The following CLYBL variants were observed in gnomAD, a reference collection of about 807,000 sequenced individuals.
CLYBL encodes the protein citramalyl-CoA lyase, mitochondrial.
In CLYBL, 31 loss-of-function variants were observed where a neutral mutation model predicts 38.9. The observed-to-expected ratio is 0.80, with a 90% CI of 0.60 to 1.08. The LOEUF is 1.08. Among genes scored for constraint, CLYBL ranks in the 50% least tolerant of loss-of-function variants. The pLI is 0.00. For synonymous variants in CLYBL, 171 were observed against 158.6 expected, an observed-to-expected ratio of 1.08 and a Z score of -0.59; for missense variants, 434 against 411.6, an observed-to-expected ratio of 1.05 and a Z score of -0.47.
chr13:99,687,070 C>T (rs1368361388), intron 1 of CLYBL, among the ~76,000 whole-genome samples: 2 of 152,172 alleles, frequency 1.3e-5, no homozygotes, highest in Non-Finnish European at 2.9e-5. Flanking sequence ...GATTAGGGCC[C>T]GCTGCAGCTG....
chr13:99,764,900 G>A (rs1171168005), intron 1 of CLYBL, among the ~76,000 whole-genome samples: 1 of 151,208 alleles, frequency 6.6e-6, no homozygotes, highest in East Asian at 1.9e-4. Context: ...ATGTTGTCCA[G>A]GCTTGCCATG....
chr13:99,726,112 A>G (rs2048468432), intron 1 of CLYBL: 1 of 152,200 alleles, frequency 6.6e-6, no homozygotes, highest in Admixed American at 6.5e-5. Context: ...AATTACTGCT[A>G]TTCTGCCAAA....
chr13:99,667,985 C>T (rs1344409785), intron 1 of CLYBL, among the ~76,000 whole-genome samples: 2 of 152,132 alleles, frequency 1.3e-5, no homozygotes, highest in Non-Finnish European at 2.9e-5. Context: ...TTCAATAGAA[C>T]ATTAGAGGCT....
intron 1 of CLYBL, among the ~76,000 whole-genome samples, chr13:99,717,453 A>G (rs1260620450): frequency 1.3e-5 from 2 of 149,978 alleles, no homozygotes; most frequent in East Asian, 1.9e-4. Context: ...AAAAAAAAAA[A>G]AAAAGAATTA....
chr13:99,729,942 G>A (rs376082984), intron 1 of CLYBL, among the ~76,000 whole-genome samples: 2 of 151,988 alleles, frequency 1.3e-5, no homozygotes, highest in South Asian at 2.1e-4. Flanking sequence ...ACCTGCCACC[G>A]TCGGTCCCTC....
chr13:99,725,398 A>G lies in CLYBL; in HGVS notation c.63-47426A>G, dbSNP rs150952806. 1.7e-4 allele frequency among the ~76,000 whole-genome samples: 26 copies of G among 152,310 alleles called. No homozygotes were observed. The East Asian group carries it at 5.0e-3, about 29-fold the overall frequency. ...AAAAGAAAAGGAAAAGTGAGGGCTA[A>G]CAATGTGAGCTTTCACTGGGGCTGT... On this transcript the variant is annotated intron_variant, in intron 1 of 8. Coordinates refer to ENST00000339105, the MANE Select transcript of CLYBL (RefSeq NM_206808.5).
At chr13:99,807,656 C>CG (rs374243502) in intron 2 of CLYBL, among the ~76,000 whole-genome samples, 25 of 147,916 alleles carry the variant, frequency 1.7e-4, no homozygotes, top group South Asian at 4.4e-4. Flanking sequence ...TTCCAGGGGC[C>CG]GGGGGGGAAG....
chr13:99,757,661 G>A (rs1301813057), intron 1 of CLYBL, among the ~76,000 whole-genome samples: 1 of 152,144 alleles, frequency 6.6e-6, no homozygotes, highest in Non-Finnish European at 1.5e-5. Context: ...GTTTCACCAT[G>A]TTGGCCAGGC....
intron 7 of CLYBL, among the ~76,000 whole-genome samples, chr13:99,871,754 C>G (rs1399200629): frequency 6.6e-6 from 1 of 152,102 alleles, no homozygotes; most frequent in Admixed American, 6.5e-5. Flanking sequence ...AGATTTTATG[C>G]TAGTTGCAGC....
intron 1 of CLYBL, among the ~76,000 whole-genome samples, chr13:99,639,308 C>G (rs1323773757): frequency 6.6e-6 from 1 of 152,162 alleles, no homozygotes; most frequent in Admixed American, 6.5e-5. Flanking sequence ...TTAATGCCCA[C>G]ACAATGTGTG....
intron 1 of CLYBL, among the ~76,000 whole-genome samples, chr13:99,611,559 A>G (rs2046627311): frequency 6.6e-6 from 1 of 152,198 alleles, no homozygotes; most frequent in Non-Finnish European, 1.5e-5. Flanking sequence ...AATTATTTGT[A>G]TCTGTGTTCA....
intron 1 of CLYBL, among the ~76,000 whole-genome samples, chr13:99,638,412 G>GAC (rs1336430529): frequency 2.0e-5 from 3 of 152,222 alleles, no homozygotes; most frequent in South Asian, 2.1e-4. Flanking sequence ...ATATTACATA[G>GAC]ACATACACAC....
intron 7 of CLYBL, among the ~76,000 whole-genome samples, chr13:99,888,588 A>T (rs1179417923): frequency 2.0e-5 from 3 of 152,056 alleles, no homozygotes; most frequent in Non-Finnish European, 4.4e-5. Context: ...AGTCTCTACT[A>T]AAAATACAAA....
At chr13:99,862,680 T>C (rs1034222622) in intron 3 of CLYBL, among the ~76,000 whole-genome samples, 4 of 152,116 alleles carry the variant, frequency 2.6e-5, no homozygotes, top group African/African-American at 9.7e-5. Flanking sequence ...GGGCAAGAGG[T>C]CTTAAGTAAA....
intron 2 of CLYBL, among the ~76,000 whole-genome samples, chr13:99,778,592 G>C (rs1365185320): frequency 1.3e-5 from 2 of 152,118 alleles, no homozygotes; most frequent in African/African-American, 4.8e-5. Context: ...AATCCAATTT[G>C]TGTTTAAGTA....
At chr13:99,785,311 T>C (rs2181609) in intron 2 of CLYBL, among the ~76,000 whole-genome samples, 120,047 of 148,488 alleles carry the variant, frequency 0.81, 49,050 homozygotes, top group African/African-American at 0.94. Context: ...CAGGCTTAAA[T>C]AATCCTCCCA....
At chr13:99,758,830 C>G (rs2049113354) in intron 1 of CLYBL, among the ~76,000 whole-genome samples, 1 of 152,244 alleles carries the variant, frequency 6.6e-6, no homozygotes, top group Non-Finnish European at 1.5e-5. Flanking sequence ...TGGCCTTGTG[C>G]TGTCCTGCCT....
At chr13:99,702,563 C>T (rs748160531) in intron 1 of CLYBL, among the ~76,000 whole-genome samples, 14 of 146,376 alleles carry the variant, frequency 9.6e-5, no homozygotes, top group Non-Finnish European at 1.3e-4. Context: ...ACCTGGGAGG[C>T]GGAGGTTGCA....
At chr13:99,649,243 G>A (rs1026881434) in intron 1 of CLYBL, among the ~76,000 whole-genome samples, 3 of 151,972 alleles carry the variant, frequency 2.0e-5, no homozygotes, top group African/African-American at 7.3e-5. Flanking sequence ...CAAGTTTTCC[G>A]CTTGCATTCT....
Sources: allele counts gnomAD v4.1 joint callset (sites outside exome capture counted in the v4.1 genomes callset), GRCh38; gene constraint gnomAD v4.1.1; transcripts MANE v1.5; gene names NCBI Gene and HGNC (gene_info 2026-07-23, HGNC 2026-07-21).